ZPBP: variants seen among roughly 807,000 people sequenced by gnomAD.
ZPBP encodes the protein zona pellucida binding protein.
A neutral mutation model predicts 44.8 loss-of-function variants in ZPBP; 26 were observed. The observed-to-expected ratio is 0.58, with a 90% CI of 0.43 to 0.81. ZPBP has a LOEUF of 0.81. ZPBP is among the 30% of genes least tolerant of loss of function. ZPBP has a pLI of 0.00. For missense variants in ZPBP, 409 were observed against 434.0 expected (o/e 0.94, Z 0.51); for synonymous variants, 174 against 153.2 (o/e 1.14, Z -1.00).
chr7:50,012,022 C>T (rs1034123536), intron 6 of ZPBP, among the ~76,000 whole-genome samples: 2 of 149,166 alleles, frequency 1.3e-5, no homozygotes, highest in Non-Finnish European at 3.0e-5. Context: ...CAGAGTGAGA[C>T]CCCGTCTCAA....
intron 2 of ZPBP, among the ~76,000 whole-genome samples, chr7:49,893,719 T>TA (rs1204899569): frequency 1.7e-4 from 25 of 151,428 alleles, no homozygotes; most frequent in Non-Finnish European, 2.1e-4. Flanking sequence ...CGAAATACAA[T>TA]AGATGTTGAT....
intron 2 of ZPBP, among the ~76,000 whole-genome samples, chr7:49,864,208 T>C (rs1181332501): frequency 6.6e-6 from 1 of 152,164 alleles, no homozygotes; most frequent in Non-Finnish European, 1.5e-5. Context: ...GTTAGCTTTT[T>C]CCAAAGGTTT....
intron 7 of ZPBP, among the ~76,000 whole-genome samples, chr7:49,946,951 T>C (rs1162636305): frequency 2.0e-5 from 3 of 152,172 alleles, no homozygotes; most frequent in Non-Finnish European, 4.4e-5. Context: ...TAATTCTTTA[T>C]TTTGCCTGAT....
chr7:50,059,801 A>G (rs998168233), intron 3 of ZPBP, among the ~76,000 whole-genome samples: 1 of 152,174 alleles, frequency 6.6e-6, no homozygotes, highest in African/African-American at 2.4e-5. Flanking sequence ...GTAGTAGTAT[A>G]CAATCTGTAA....
chr7:49,950,616 T>A (rs1017136560), intron 7 of ZPBP, among the ~76,000 whole-genome samples: 2 of 151,742 alleles, frequency 1.3e-5, no homozygotes, highest in Non-Finnish European at 3.0e-5. Context: ...TCTATTTATA[T>A]GTACACATAT....
intron 5 of ZPBP, among the ~76,000 whole-genome samples, chr7:50,021,503 T>C (rs1799089191): frequency 6.6e-6 from 1 of 151,628 alleles, no homozygotes; most frequent in Non-Finnish European, 1.5e-5. Context: ...AAATTTTAAG[T>C]GAAGAGAACC....
chr7:50,049,596 C>A (rs1800581996), intron 4 of ZPBP, among the ~76,000 whole-genome samples: 1 of 151,914 alleles, frequency 6.6e-6, no homozygotes, highest in Non-Finnish European at 1.5e-5. Flanking sequence ...AAACATTTGA[C>A]AAAATCCAAC....
At chr7:49,878,557 A>G (rs1791540467) in intron 2 of ZPBP, among the ~76,000 whole-genome samples, 1 of 152,156 alleles carries the variant, frequency 6.6e-6, no homozygotes, top group South Asian at 2.1e-4. Context: ...CCCAGCTCTC[A>G]ACGCTCGGTC....
chr7:50,001,915 T>C (rs1052526890), intron 6 of ZPBP, among the ~76,000 whole-genome samples: 1 of 152,154 alleles, frequency 6.6e-6, no homozygotes, highest in Non-Finnish European at 1.5e-5. Flanking sequence ...TGTATGCATG[T>C]ATTTTTTTTA....
At chr7:50,065,345 T>C (rs1801447654) in intron 3 of ZPBP, among the ~76,000 whole-genome samples, 1 of 150,824 alleles carries the variant, frequency 6.6e-6, no homozygotes, top group Non-Finnish European at 1.5e-5. Context: ...CTCTAGTTGA[T>C]CTCAAGAGTG....
chr7:49,853,928 T>A lies in ZPBP; in HGVS notation n.510-3414A>T, dbSNP rs1210302449. On this transcript the variant is annotated intron_variant and non_coding_transcript_variant, in intron 2 of 2. Coordinates refer to the ZPBP transcript ENST00000465922. ...CCCTTCCTGTGTCCAAATGTTTTCA[T>A]TGTTCAATTCCCACCTATGAGTGAG... 4.2e-5 allele frequency among the ~76,000 whole-genome samples: 6 copies of A among 144,560 alleles called. No individual in the cohort carries two copies. In the South Asian group the frequency reaches 1.1e-3, roughly 27 times the overall value. The allele number at this position is 144,560 out of a possible 152,430, so 94.8% of individuals were successfully genotyped here. A position where few individuals can be genotyped will look rare whatever the true frequency, so the allele number is the denominator to read the frequency against.
At chr7:49,991,227 T>A (rs1354104838) in intron 6 of ZPBP, among the ~76,000 whole-genome samples, 3 of 152,054 alleles carry the variant, frequency 2.0e-5, no homozygotes, top group Non-Finnish European at 1.5e-5. Flanking sequence ...AGAATGCAAA[T>A]AAGAGATGGG....
chr7:49,881,367 G>T (rs1236671075), intron 2 of ZPBP, among the ~76,000 whole-genome samples: 6 of 152,122 alleles, frequency 3.9e-5, no homozygotes, highest in Admixed American at 3.3e-4. Context: ...CAAAAAAACA[G>T]CACTGAAATT....
chr7:50,003,346 G>T (rs1330355993), intron 6 of ZPBP, among the ~76,000 whole-genome samples: 1 of 152,090 alleles, frequency 6.6e-6, no homozygotes, highest in Admixed American at 6.6e-5. Context: ...TAACTTTAAT[G>T]CTTGGCCAAG....
At chr7:49,874,550 G>A (rs199713365) in intron 2 of ZPBP, among the ~76,000 whole-genome samples, 3 of 31,424 alleles carry the variant, frequency 9.5e-5, no homozygotes, top group Admixed American at 3.0e-4. Context: ...GACTATATAT[G>A]TGTGTGTGTG....
At chr7:49,909,945 A>AT (rs553828119) in intron 1 of ZPBP, among the ~76,000 whole-genome samples, 32 of 147,970 alleles carry the variant, frequency 2.2e-4, no homozygotes, top group East Asian at 5.9e-4. Flanking sequence ...ATCTCCAAAG[A>AT]TTTTTTTTTT....
chr7:49,844,610 G>A, the ZPBP span, among the ~76,000 whole-genome samples: 3 of 152,224 alleles, frequency 2.0e-5, no homozygotes, highest in Non-Finnish European at 4.4e-5. Flanking sequence ...GAGAGCCCTG[G>A]TCTTTGATTC....
At chr7:49,863,722 C>T (rs973548094) in intron 2 of ZPBP, among the ~76,000 whole-genome samples, 1 of 152,150 alleles carries the variant, frequency 6.6e-6, no homozygotes, top group Non-Finnish European at 1.5e-5. Flanking sequence ...TGAGCCACTG[C>T]ACCTGGTCTG....
At chr7:50,007,751 C>A (rs1351320189) in intron 6 of ZPBP, among the ~76,000 whole-genome samples, 2 of 151,726 alleles carry the variant, frequency 1.3e-5, no homozygotes, top group Non-Finnish European at 2.9e-5. Flanking sequence ...TAATACATCA[C>A]AAGAGAATGA....
Sources: gnomAD v4.1 joint callset for allele counts (sites outside exome capture counted in the v4.1 genomes callset) on GRCh38, gnomAD v4.1.1 for gene constraint, MANE v1.5 for transcripts, NCBI Gene and HGNC (gene_info 2026-07-23, HGNC 2026-07-21) for gene names.